The following NSUN6 variants were observed in gnomAD, a reference collection of about 807,000 sequenced individuals.
NSUN6 encodes NOP2/Sun RNA methyltransferase 6.
In NSUN6, 64 loss-of-function variants were observed where a neutral mutation model predicts 58.0. The ratio of observed to expected loss-of-function variants is 1.10; its 90% CI spans 0.90 to 1.36. The LOEUF is 1.36. Among genes scored for constraint, NSUN6 ranks in the 40% most tolerant of loss-of-function variants. The pLI, the probability that NSUN6 is intolerant of heterozygous loss-of-function variation, is 0.00. For missense variants in NSUN6, 701 were observed against 550.1 expected, an observed-to-expected ratio of 1.27 and a Z score of -2.74; for synonymous variants, 231 against 193.9, an observed-to-expected ratio of 1.19 and a Z score of -1.59.
At chr10:18,651,020 A>C in intron 1 of NSUN6, 109 bp downstream of exon 1, 2 of 1,313,270 alleles carry the variant, frequency 1.5e-6, no homozygotes, top group Non-Finnish European at 1.0e-6. Flanking sequence ...GACAAGTAGT[A>C]AGGAACGACG....
intron 8 of NSUN6, among the ~76,000 whole-genome samples, chr10:18,581,525 G>A (rs1757754236): frequency 6.6e-6 from 1 of 152,040 alleles, no homozygotes; most frequent in African/African-American, 2.4e-5. Flanking sequence ...TCAAGAAATA[G>A]CCATAAAAAT....
intron 3 of NSUN6, among the ~76,000 whole-genome samples, chr10:18,637,384 G>C (rs1243466856): frequency 2.0e-5 from 3 of 152,140 alleles, no homozygotes; most frequent in East Asian, 1.9e-4. Context: ...GAGTAGCCTA[G>C]ATCACTACAA....
At chr10:18,656,182 G>A (rs2059775752), upstream of NSUN6, among the ~76,000 whole-genome samples, 1 of 152,174 alleles carries the variant, frequency 6.6e-6, no homozygotes, top group South Asian at 2.1e-4. Context: ...AGAATTTTCT[G>A]ACGGGAAATC....
intron 3 of NSUN6, among the ~76,000 whole-genome samples, chr10:18,640,958 G>A (rs940706210): frequency 6.6e-6 from 1 of 151,748 alleles, no homozygotes; most frequent in South Asian, 2.1e-4. Context: ...ATTAAAAGGT[G>A]GGTATGTTAC....
intron 8 of NSUN6, among the ~76,000 whole-genome samples, chr10:18,582,657 C>G (rs965590630): frequency 6.6e-6 from 1 of 152,176 alleles, no homozygotes; most frequent in African/African-American, 2.4e-5. Context: ...ATAAAGCAAT[C>G]AATCTGCAAT....
chr10:18,601,899 G>A (rs1301502129), intron 6 of NSUN6, among the ~76,000 whole-genome samples: 5 of 151,258 alleles, frequency 3.3e-5, no homozygotes, highest in Admixed American at 1.3e-4. Context: ...GCTTCAACCC[G>A]GAGGCAGAGA....
chr10:18,554,247 G>A (rs2054818421), intron 8 of NSUN6, among the ~76,000 whole-genome samples: 1 of 150,374 alleles, frequency 6.7e-6, no homozygotes, highest in Admixed American at 6.7e-5. Context: ...GGAAGGGAAT[G>A]GAAAGGAGAA....
chr10:18,620,955 C>A (rs1244125910), intron 3 of NSUN6, among the ~76,000 whole-genome samples: 12 of 152,190 alleles, frequency 7.9e-5, no homozygotes, highest in Admixed American at 7.2e-4. Context: ...GAACAGAGAA[C>A]TGTGCAGAAA....
At chr10:18,566,140 C>T (rs964470391) in intron 8 of NSUN6, among the ~76,000 whole-genome samples, 1 of 135,802 alleles carries the variant, frequency 7.4e-6, no homozygotes, top group Admixed American at 7.0e-5. Flanking sequence ...ATTCCACATT[C>T]CATTCCATTC....
intron 6 of NSUN6, among the ~76,000 whole-genome samples, chr10:18,603,767 G>A (rs1349523720): frequency 2.0e-5 from 3 of 151,966 alleles, no homozygotes; most frequent in Admixed American, 6.6e-5. Flanking sequence ...GTGAGCCACC[G>A]TGCCTGGCCA....
intron 3 of NSUN6, 133 bp from the exon 4 acceptor site, chr10:18,616,426 A>G (rs539493208): frequency 3.6e-5 from 20 of 557,202 alleles, no homozygotes; most frequent in Admixed American, 2.7e-4. Context: ...CGCTGAAAAG[A>G]GAGGCATACA....
upstream of NSUN6, chr10:18,651,635 G>C: frequency 1.0e-6 from 1 of 986,116 alleles, no homozygotes; most frequent in Non-Finnish European, 1.2e-6. Context: ...GTCGCTTCCG[G>C]CTTACGTCAC....
chr10:18,654,402 C>T (rs1234013610), upstream of NSUN6: 1 of 152,186 alleles, frequency 6.6e-6, no homozygotes, highest in Non-Finnish European at 1.5e-5. Context: ...CTTAATTCTG[C>T]CTCTGGCTAT....
At chr10:18,559,542 G>A (rs1319014146) in intron 8 of NSUN6, among the ~76,000 whole-genome samples, 1 of 150,534 alleles carries the variant, frequency 6.6e-6, no homozygotes, top group South Asian at 2.1e-4. Flanking sequence ...ATGGAGAGTG[G>A]AGAATAGAAA....
chr10:18,611,419 G>A (rs1355907385), intron 5 of NSUN6, among the ~76,000 whole-genome samples: 1 of 148,636 alleles, frequency 6.7e-6, no homozygotes, highest in Non-Finnish European at 1.5e-5. Flanking sequence ...TCTATCTAAT[G>A]TTGGCAGGAT....
intron 6 of NSUN6, among the ~76,000 whole-genome samples, 169 bp from the exon 7 acceptor site, chr10:18,596,496 G>GGA (rs2057592485): frequency 6.6e-6 from 1 of 152,122 alleles, no homozygotes; most frequent in Non-Finnish European, 1.5e-5. Flanking sequence ...CAATTTCCTA[G>GGA]AATATCCTAC....
chr10:18,567,460 A>C (rs1267925860), intron 8 of NSUN6, among the ~76,000 whole-genome samples: 1 of 147,264 alleles, frequency 6.8e-6, no homozygotes. Flanking sequence ...GCTCCATTCC[A>C]TTCCATTCTC....
intron 3 of NSUN6, among the ~76,000 whole-genome samples, chr10:18,637,399 C>G (rs1395420006): frequency 6.6e-6 from 1 of 152,102 alleles, no homozygotes; most frequent in East Asian, 1.9e-4. Flanking sequence ...CTACAAAGAA[C>G]AGAATGAAAG....
intron 8 of NSUN6, among the ~76,000 whole-genome samples, chr10:18,570,316 T>C (rs1356329260): frequency 2.0e-5 from 3 of 151,300 alleles, no homozygotes; most frequent in East Asian, 2.0e-4. Context: ...CATTCCATTC[T>C]TCATTTCATT....
Sources: allele counts gnomAD v4.1 joint callset (sites outside exome capture counted in the v4.1 genomes callset), GRCh38; gene constraint gnomAD v4.1.1; transcripts MANE v1.5; gene names NCBI Gene and HGNC (gene_info 2026-07-23, HGNC 2026-07-21).